MYO6: variants seen among roughly 807,000 people sequenced by gnomAD.
MYO6 encodes the protein unconventional myosin-VI.
In MYO6, 74 loss-of-function variants were observed where a neutral mutation model predicts 178.7. The observed-to-expected ratio is 0.41, with a 90% CI of 0.34 to 0.50. The LOEUF is 0.50. Among genes scored for constraint, MYO6 ranks in the 20% least tolerant of loss-of-function variants. The pLI is 0.09. For missense variants in MYO6, 1,330 were observed against 1,547.4 expected, an observed-to-expected ratio of 0.86 and a Z score of 2.36; for synonymous variants, 477 against 504.6, an observed-to-expected ratio of 0.95 and a Z score of 0.73.
chr6:75,768,326 CATTTT>C (rs57473480), intron 1 of MYO6, among the ~76,000 whole-genome samples: 14,233 of 119,116 alleles, frequency 0.12, 1,025 homozygotes, highest in Admixed American at 0.15. Context: ...GTAAATAATT[CATTTT>C]ATTTTATTTT....
chr6:75,766,778 G>T (rs1778455948), intron 1 of MYO6, among the ~76,000 whole-genome samples: 1 of 152,130 alleles, frequency 6.6e-6, no homozygotes, highest in Non-Finnish European at 1.5e-5. Flanking sequence ...GTGTGTTAAA[G>T]CAATGCAAAA....
In MYO6 at chr6:75,855,161, A is replaced by G; in HGVS notation, c.1101A>G (p.Lys367=). 1 of 1,611,332 alleles carries G rather than the reference A, an allele frequency of 6.2e-7. No homozygotes were observed. Among genetic ancestry groups the G allele is most frequent in the Non-Finnish European group, 8.5e-7 (1 of 1,177,798 alleles). The part of the protein sequence containing the change: ...STSGGCNLKN[K]SAQSLEYCAE... ...TAGGTGGTTGTAATCTGAAGAATAAATCTGCTCAGTCTTTGGAATATTGTG... is the reference window on the plus strand; with the variant it reads ...TAGGTGGTTGTAATCTGAAGAATAAGTCTGCTCAGTCTTTGGAATATTGTG... The change falls in exon 12 of 35, where the codon AAA becomes AAG. Residue 367 remains lysine, a synonymous_variant. Transcript: ENST00000369977.
intron 19 of MYO6, among the ~76,000 whole-genome samples, chr6:75,871,038 G>A (rs931413997): frequency 6.6e-6 from 1 of 152,102 alleles, no homozygotes; most frequent in Admixed American, 6.5e-5. Flanking sequence ...ACATGGCAAT[G>A]TTGATGTGGA....
At chr6:75,794,116 C>A (rs2150095016) in intron 1 of MYO6, among the ~76,000 whole-genome samples, 1 of 152,016 alleles carries the variant, frequency 6.6e-6, no homozygotes, top group East Asian at 1.9e-4. Context: ...GGAGGACATT[C>A]CCAAGACGGT....
intron 25 of MYO6, among the ~76,000 whole-genome samples, chr6:75,887,475 C>T (rs967676071): frequency 2.0e-5 from 3 of 151,070 alleles, no homozygotes; most frequent in African/African-American, 7.3e-5. Flanking sequence ...AACCCTGTCT[C>T]TACTAAAAAT....
chr6:75,856,399 TGA>T (rs572876843), intron 12 of MYO6, among the ~76,000 whole-genome samples: 66 of 152,156 alleles, frequency 4.3e-4, no homozygotes, highest in Middle Eastern at 3.4e-3. Context: ...AAAATATAAG[TGA>T]GAAATCACTG....
intron 1 of MYO6, among the ~76,000 whole-genome samples, chr6:75,797,199 C>T (rs1357349337): frequency 1.3e-5 from 2 of 152,162 alleles, no homozygotes; most frequent in South Asian, 2.1e-4. Flanking sequence ...AAGCGCTTCT[C>T]CTGCGTCAGC....
At chr6:75,856,374 A>C (rs185193102) in intron 12 of MYO6, among the ~76,000 whole-genome samples, 1 of 152,146 alleles carries the variant, frequency 6.6e-6, no homozygotes, top group East Asian at 1.9e-4. Context: ...ACTTCAAGAA[A>C]GGGTTCCATT....
chr6:75,774,817 G>T (rs1353360651), intron 1 of MYO6, among the ~76,000 whole-genome samples: 2 of 151,214 alleles, frequency 1.3e-5, no homozygotes, highest in Non-Finnish European at 2.9e-5. Flanking sequence ...TTTTTTGACG[G>T]AGTCTCACTC....
At chr6:75,829,972 T>C (rs1484838669) in intron 4 of MYO6, among the ~76,000 whole-genome samples, 1 of 152,092 alleles carries the variant, frequency 6.6e-6, no homozygotes, top group Non-Finnish European at 1.5e-5. Context: ...GTGAATACAG[T>C]AGGTAAGGAA....
chr6:75,790,883 A>C (rs965293331), intron 1 of MYO6, among the ~76,000 whole-genome samples: 2 of 152,174 alleles, frequency 1.3e-5, no homozygotes. Context: ...AGATGTCATG[A>C]CATTTTTAAT....
At chr6:75,757,005 GTGTGTATATATGTA>G in intron 1 of MYO6, among the ~76,000 whole-genome samples, 1 of 40,666 alleles carries the variant, frequency 2.5e-5, no homozygotes, top group Non-Finnish European at 6.2e-5. Flanking sequence ...CACATATATA[GTGTGTATATATGTA>G]TACACACATA....
At chr6:75,894,515 G>A (rs188315066) in intron 28 of MYO6, among the ~76,000 whole-genome samples, 51 of 152,224 alleles carry the variant, frequency 3.4e-4, no homozygotes, top group Admixed American at 8.5e-4. Context: ...CCTTCTGGTC[G>A]TCGTGGTTAT....
chr6:75,804,491 C>A (rs1769800860), intron 1 of MYO6, among the ~76,000 whole-genome samples: 1 of 152,154 alleles, frequency 6.6e-6, no homozygotes, highest in Non-Finnish European at 1.5e-5. Flanking sequence ...CTTGATAGAT[C>A]TACCCCACCC....
intron 6 of MYO6, among the ~76,000 whole-genome samples, chr6:75,833,990 G>T (rs1054047430): frequency 6.6e-6 from 1 of 152,190 alleles, no homozygotes; most frequent in Non-Finnish European, 1.5e-5. Context: ...GATCTTGGAG[G>T]ATACTGGTAC....
intron 1 of MYO6, among the ~76,000 whole-genome samples, chr6:75,811,361 C>G (rs1395469571): frequency 6.6e-6 from 1 of 152,128 alleles, no homozygotes; most frequent in Non-Finnish European, 1.5e-5. Flanking sequence ...TTGGTTGCCT[C>G]TCAACCATTT....
Position 75,830,239 on chromosome 6 carries a change from G to T in MYO6, c.262-177G>T, listed in dbSNP as rs375502484. Among the ~76,000 whole-genome samples the T allele has an allele frequency of 2.9e-4, 44 of 152,254 alleles. 1 individual carries two copies. In the South Asian group the frequency reaches 7.3e-3, roughly 25 times the overall value. ...ATACAAATATTTATTAAGAATTGGA[G>T]AAATATGGGTCCCTATAAAGATCAG... On this transcript the variant is annotated intron_variant, in intron 4 of 34. Transcript: ENST00000369977.
At chr6:75,819,832 T>C (rs1771695539) in intron 2 of MYO6, among the ~76,000 whole-genome samples, 1 of 152,192 alleles carries the variant, frequency 6.6e-6, no homozygotes, top group Non-Finnish European at 1.5e-5. Context: ...GGAGGGAGGA[T>C]TGCTTGAGCT....
intron 30 of MYO6, among the ~76,000 whole-genome samples, chr6:75,899,892 C>T (rs1244036225): frequency 1.7e-5 from 2 of 116,158 alleles, no homozygotes; most frequent in African/African-American, 3.2e-5. Context: ...CCCCTCCCCC[C>T]ACCCTACAAC....
Sources: gnomAD v4.1 joint callset for allele counts (sites outside exome capture counted in the v4.1 genomes callset) on GRCh38, gnomAD v4.1.1 for gene constraint, MANE v1.5 for transcripts, NCBI Gene and HGNC (gene_info 2026-07-23, HGNC 2026-07-21) for gene names.